SAMMSON: variants seen among roughly 807,000 people sequenced by gnomAD.
SAMMSON encodes long intergenic non-protein coding RNA 1212.
chr3:70,342,940 G>C (rs1319357504), intron 7 of SAMMSON, among the ~76,000 whole-genome samples: 1 of 152,246 alleles, frequency 6.6e-6, no homozygotes, highest in East Asian at 1.9e-4. Context: ...GCAAACATGA[G>C]TAGTAGGTAC....
chr3:70,408,341 T>G (rs1413627947), intron 2 of SAMMSON, among the ~76,000 whole-genome samples: 1 of 152,260 alleles, frequency 6.6e-6, no homozygotes, highest in Non-Finnish European at 1.5e-5. Flanking sequence ...ATTTTTCTTT[T>G]CTATCACATT....
At chr3:70,311,943 C>T in intron 7 of SAMMSON, 1 of 397,766 alleles carries the variant, frequency 2.5e-6, no homozygotes, top group Non-Finnish European at 4.4e-6. Context: ...GCTGTTCTTA[C>T]TTTTATCTTT....
chr3:70,430,025 G>C (rs1432079057), intron 2 of SAMMSON, among the ~76,000 whole-genome samples: 1 of 152,140 alleles, frequency 6.6e-6, no homozygotes, highest in Non-Finnish European at 1.5e-5. Context: ...TGGTGAGAGA[G>C]GGCATCCTTG....
chr3:70,212,683 A>G (rs1701363334), intron 4 of SAMMSON, among the ~76,000 whole-genome samples: 1 of 152,130 alleles, frequency 6.6e-6, no homozygotes, highest in African/African-American at 2.4e-5. Context: ...TATACTTTGG[A>G]CAATATTCTT....
chr3:70,137,863 C>T (rs2067512398), intron 4 of SAMMSON, among the ~76,000 whole-genome samples: 1 of 152,116 alleles, frequency 6.6e-6, no homozygotes, highest in Non-Finnish European at 1.5e-5. Flanking sequence ...TCTTGGATAG[C>T]CACATTTCAC....
chr3:70,399,923 T>TGGGCAAA (rs1701125807), intron 2 of SAMMSON, among the ~76,000 whole-genome samples: 35 of 151,728 alleles, frequency 2.3e-4, no homozygotes, highest in African/African-American at 8.0e-4. Context: ...CAAAAATACT[T>TGGGCAAA]TTGTGTATAT....
rs376318886 is a variant in SAMMSON at position 70,352,581 on chromosome 3, T to C, written n.740-1594T>C. On this transcript the variant is annotated intron_variant and non_coding_transcript_variant, in intron 7 of 9. Coordinates refer to ENST00000642114, the Ensembl canonical transcript of SAMMSON. ...GAATGTTAGGAAGAAATGAAAAGCA[T>C]GCTAAGCAACAGTATGGGTAAATCC... 4.6e-5 allele frequency among the ~76,000 whole-genome samples: 7 copies of C among 152,254 alleles called. 1 individual carries two copies. Among genetic ancestry groups the C allele is most frequent in the African/African-American group, 1.7e-4 (7 of 41,580 alleles).
chr3:70,294,120 T>A, intron 7 of SAMMSON, among the ~76,000 whole-genome samples: 1 of 152,162 alleles, frequency 6.6e-6, no homozygotes, highest in Non-Finnish European at 1.5e-5. Context: ...ATTCTCAGTG[T>A]TTTAGAAATG....
intron 4 of SAMMSON, among the ~76,000 whole-genome samples, chr3:70,192,569 C>A (rs1240016236): frequency 1.3e-5 from 2 of 152,184 alleles, no homozygotes; most frequent in Non-Finnish European, 2.9e-5. Flanking sequence ...AGATAAACAA[C>A]CCCTACTCTC....
chr3:70,105,415 C>T (rs781163115), intron 4 of SAMMSON, among the ~76,000 whole-genome samples: 23 of 152,206 alleles, frequency 1.5e-4, no homozygotes, highest in Non-Finnish European at 2.5e-4. Flanking sequence ...GTACATAGAA[C>T]GGTTTTATTT....
At chr3:70,266,739 C>T (rs1246900904) in intron 6 of SAMMSON, among the ~76,000 whole-genome samples, 1 of 152,176 alleles carries the variant, frequency 6.6e-6, no homozygotes, top group Non-Finnish European at 1.5e-5. Flanking sequence ...AGCCACTGCA[C>T]CTGGCTTATA....
At chr3:70,193,829 C>A (rs1701151546) in intron 4 of SAMMSON, among the ~76,000 whole-genome samples, 1 of 152,142 alleles carries the variant, frequency 6.6e-6, no homozygotes, top group Non-Finnish European at 1.5e-5. Flanking sequence ...GTAATTAATT[C>A]TGCCTATCAA....
In SAMMSON at chr3:70,043,999, C is replaced by T. The variant is rs57779387; in HGVS notation, n.418-27477C>T. ...CCTTTTTTGTTTCAAAATGTTTATG[C>T]AGCAAAATATATATAAATCTTGGCA... On this transcript the variant is annotated intron_variant and non_coding_transcript_variant, in intron 3 of 9. Transcript: ENST00000642114. Among the ~76,000 whole-genome samples, 356 of 152,042 alleles carry T rather than the reference C, an allele frequency of 2.3e-3. 4 individuals carry two copies. Among genetic ancestry groups the T allele is most frequent in the African/African-American group, 8.4e-3 (348 of 41,512 alleles).
intron 3 of SAMMSON, chr3:70,071,364 A>G (rs1258414948): frequency 1.3e-5 from 2 of 152,106 alleles, no homozygotes; most frequent in Non-Finnish European, 2.9e-5. Flanking sequence ...CTATGAACCG[A>G]AAGAAATAGT....
At chr3:70,349,224 A>G (rs1412033858) in intron 7 of SAMMSON, among the ~76,000 whole-genome samples, 1 of 152,064 alleles carries the variant, frequency 6.6e-6, no homozygotes, top group Non-Finnish European at 1.5e-5. Flanking sequence ...AAATACAAAA[A>G]TTAGCTGGGC....
At chr3:70,309,378 A>G (rs1358136800) in intron 7 of SAMMSON, among the ~76,000 whole-genome samples, 3 of 152,192 alleles carry the variant, frequency 2.0e-5, no homozygotes, top group African/African-American at 4.8e-5. Context: ...CCAATGGTTC[A>G]AAGTGTGAAC....
chr3:70,144,321 T>C (rs1158877796), intron 4 of SAMMSON, among the ~76,000 whole-genome samples: 2 of 152,054 alleles, frequency 1.3e-5, no homozygotes, highest in Admixed American at 1.3e-4. Context: ...AATAATTCTC[T>C]CTCCCCTCTT....
At chr3:70,159,365 C>G (rs1252047873) in intron 4 of SAMMSON, among the ~76,000 whole-genome samples, 1 of 151,622 alleles carries the variant, frequency 6.6e-6, no homozygotes, top group Non-Finnish European at 1.5e-5. Context: ...GTGATGTTCC[C>G]CTTCCTGTGT....
intron 6 of SAMMSON, among the ~76,000 whole-genome samples, chr3:70,282,216 C>G (rs1294450698): frequency 6.6e-6 from 1 of 152,124 alleles, no homozygotes; most frequent in Non-Finnish European, 1.5e-5. Context: ...GCAGTATTTG[C>G]TGTCTCAGGG....
Sources: allele counts gnomAD v4.1 joint callset (sites outside exome capture counted in the v4.1 genomes callset), GRCh38; gene constraint gnomAD v4.1.1; transcripts MANE v1.5; gene names NCBI Gene and HGNC (gene_info 2026-07-23, HGNC 2026-07-21).